The following KCNMA1 variants were observed in gnomAD, a reference collection of about 807,000 sequenced individuals.
KCNMA1 encodes the protein potassium calcium-activated channel subfamily M alpha 1.
A neutral mutation model predicts 140.0 loss-of-function variants in KCNMA1; 29 were observed. That is an observed-to-expected ratio of 0.21 (90% CI 0.15 to 0.28). The LOEUF is 0.28. Ranked by LOEUF, KCNMA1 falls within the 10% of genes least tolerant of loss-of-function variation. The probability of loss-of-function intolerance (pLI) is 1.00; values close to 1 mark genes in which losing one functional copy is unlikely to be tolerated. For missense variants in KCNMA1, 880 were observed against 1,602.2 expected, an observed-to-expected ratio of 0.55 and a Z score of 7.70; for synonymous variants, 612 against 611.9, an observed-to-expected ratio of 1.00 and a Z score of 0.00.
rs1157114616 is a variant in KCNMA1, at chr10:77,108,099, T to C, written c.1223+382A>G. On this transcript the variant is annotated intron_variant, in intron 9 of 27. Transcript: ENST00000286628. The surrounding 1 kb of genome is among the most constrained non-coding windows in gnomAD (Gnocchi z 4.6). Reference sequence around the variant, plus strand: ...AATTCATTACATCTCTTGGAATTTGTGAATGGGAGTTGGTCCAAGCGTGGC... The same window carrying C: ...AATTCATTACATCTCTTGGAATTTGCGAATGGGAGTTGGTCCAAGCGTGGC... 6.6e-6 allele frequency among the ~76,000 whole-genome samples: 1 copy of C among 152,156 alleles called. No individual in the cohort carries two copies. Among genetic ancestry groups the C allele is most frequent in the African/African-American group, 2.4e-5 (1 of 41,436 alleles).
intron 1 of KCNMA1, among the ~76,000 whole-genome samples, chr10:77,442,238 A>C (rs984075579): frequency 6.6e-6 from 1 of 152,134 alleles, no homozygotes; most frequent in South Asian, 2.1e-4. Context: ...AGGCGAGAGC[A>C]GCCACCTGGA....
intron 23 of KCNMA1, among the ~76,000 whole-genome samples, chr10:76,943,595 A>G (rs909069995): frequency 2.0e-4 from 31 of 152,110 alleles, no homozygotes; most frequent in African/African-American, 7.5e-4. Flanking sequence ...CCTCCAAAGA[A>G]TCAAAGCCTA....
chr10:77,178,643 T>C (rs907167512), intron 5 of KCNMA1, among the ~76,000 whole-genome samples: 1 of 152,064 alleles, frequency 6.6e-6, no homozygotes, highest in African/African-American at 2.4e-5. Flanking sequence ...AGGCAGAGGT[T>C]GCAGCGAGCC....
At chr10:77,388,116 G>A (rs2095682815) in intron 2 of KCNMA1, among the ~76,000 whole-genome samples, 1 of 152,188 alleles carries the variant, frequency 6.6e-6, no homozygotes, top group Non-Finnish European at 1.5e-5. Flanking sequence ...AAGATTGCAT[G>A]TCATGTGTAA....
chr10:77,208,242 G>A (rs2044797188), intron 3 of KCNMA1, among the ~76,000 whole-genome samples: 2 of 152,146 alleles, frequency 1.3e-5, no homozygotes, highest in African/African-American at 4.8e-5. Flanking sequence ...ATTTCCCAGG[G>A]TTTGTTTGCT....
chr10:76,908,366 T>C (rs2048650033), intron 25 of KCNMA1, among the ~76,000 whole-genome samples: 1 of 152,246 alleles, frequency 6.6e-6, no homozygotes, highest in Non-Finnish European at 1.5e-5. Context: ...AGGACCATTT[T>C]ATCTCCTTGT....
intron 19 of KCNMA1, among the ~76,000 whole-genome samples, chr10:76,992,994 G>A (rs2083224293): frequency 6.6e-6 from 1 of 152,154 alleles, no homozygotes; most frequent in Non-Finnish European, 1.5e-5. Context: ...GAGAAAGGAG[G>A]AGAAAAGTCT....
intron 2 of KCNMA1, among the ~76,000 whole-genome samples, chr10:77,294,148 C>T (rs2074239628): frequency 6.6e-6 from 1 of 152,242 alleles, no homozygotes; most frequent in African/African-American, 2.4e-5. Flanking sequence ...AGTGCTGTGT[C>T]CCTAGAATTT....
At chr10:77,146,340 C>T (rs992619388) in intron 5 of KCNMA1, among the ~76,000 whole-genome samples, 1 of 152,134 alleles carries the variant, frequency 6.6e-6, no homozygotes, top group Non-Finnish European at 1.5e-5. Flanking sequence ...CCTGGCTCTG[C>T]TCCTGATGCA....
At chr10:77,452,271 T>G (rs2097677109) in intron 1 of KCNMA1, among the ~76,000 whole-genome samples, 1 of 152,032 alleles carries the variant, frequency 6.6e-6, no homozygotes, top group Non-Finnish European at 1.5e-5. Context: ...AGACCCCAGA[T>G]GGGGGAGATG....
At chr10:77,132,034 G>A (rs938519752) in intron 5 of KCNMA1, among the ~76,000 whole-genome samples, 11 of 149,974 alleles carry the variant, frequency 7.3e-5, no homozygotes, top group Non-Finnish European at 1.3e-4. Context: ...TTTGAGGAAA[G>A]GCAACTTTCC....
At chr10:77,015,865 C>T (rs140176285) in intron 17 of KCNMA1, among the ~76,000 whole-genome samples, 26 of 152,254 alleles carry the variant, frequency 1.7e-4, no homozygotes, top group African/African-American at 5.8e-4. Flanking sequence ...ACTCAGGGGT[C>T]AGTCCAAGCT....
In KCNMA1 at chr10:76,887,162, G is replaced by A. The variant is rs200008316; in HGVS notation, c.*104C>T. The A allele has an allele frequency of 4.5e-4, 720 of 1,606,376 alleles. 1 individual carries two copies. The highest frequency in any genetic ancestry group is 5.6e-4 in the Non-Finnish European group (662 of 1,177,816). On this transcript the variant is annotated 3_prime_UTR_variant, in exon 28 of 28. Transcript: ENST00000286628. ...ATATGCAAATATGTGTAAAAAAAAA[G>A]GGGGGGACTACAGGGGAAAACAGGG...
At chr10:77,336,175 G>C (rs1479407835) in intron 2 of KCNMA1, among the ~76,000 whole-genome samples, 1 of 152,184 alleles carries the variant, frequency 6.6e-6, no homozygotes, top group African/African-American at 2.4e-5. Context: ...AAGGACACAT[G>C]CAGGGGAGGG....
Position 77,398,422 on chromosome 10 carries a change from T to C in KCNMA1, c.540+5440A>G, listed in dbSNP as rs79695762. Among the ~76,000 whole-genome samples, 32 of 152,372 alleles carry C rather than the reference T, an allele frequency of 2.1e-4. No individual in the cohort carries two copies. In the East Asian group the frequency reaches 2.1e-3, roughly 10 times the overall value. On this transcript the variant is annotated intron_variant, in intron 2 of 27. Coordinates refer to ENST00000286628, the MANE Select transcript of KCNMA1 (RefSeq NM_001161352.2). ...GCTGTGAGATGATATCTAATTGTGG[T>C]TTTAATTTGCATGTCTCTGAAGACT...
chr10:77,081,786 C>T (rs1372524105), intron 12 of KCNMA1, among the ~76,000 whole-genome samples: 1 of 152,092 alleles, frequency 6.6e-6, no homozygotes, highest in South Asian at 2.1e-4. Context: ...CAGTTTTCTG[C>T]ATTAGCTCAT....
chr10:77,285,811 G>C (rs947869799), intron 2 of KCNMA1, among the ~76,000 whole-genome samples: 1 of 152,136 alleles, frequency 6.6e-6, no homozygotes, highest in Admixed American at 6.6e-5. Context: ...CTAAGTTCCA[G>C]CTTCCTCATC....
At chr10:77,087,306 C>T (rs1184060732) in intron 10 of KCNMA1, among the ~76,000 whole-genome samples, 4 of 152,074 alleles carry the variant, frequency 2.6e-5, no homozygotes, top group African/African-American at 9.7e-5. Context: ...CCAATTCTTC[C>T]TAATAAATCT....
At chr10:77,282,429 A>T (rs2068980771) in intron 2 of KCNMA1, among the ~76,000 whole-genome samples, 1 of 152,132 alleles carries the variant, frequency 6.6e-6, no homozygotes, top group Non-Finnish European at 1.5e-5. Context: ...TGGATGAAGG[A>T]TGACTCTTAT....
Sources: gnomAD v4.1 joint callset for allele counts (sites outside exome capture counted in the v4.1 genomes callset) on GRCh38, gnomAD v4.1.1 for gene constraint, Gnocchi (gnomAD v3.1) non-coding constraint, MANE v1.5 for transcripts, NCBI Gene and HGNC (gene_info 2026-07-23, HGNC 2026-07-21) for gene names.